NUP153: variants seen among roughly 807,000 people sequenced by gnomAD.
NUP153 encodes nuclear pore complex protein Nup153.
Under a neutral mutation model 134.6 loss-of-function variants are expected in NUP153, and 27 were observed. The observed-to-expected ratio is 0.20, with a 90% CI of 0.15 to 0.28. NUP153 has a LOEUF of 0.28. NUP153 is among the 10% of genes least tolerant of loss of function. The pLI is 1.00. For missense variants in NUP153, 1,821 were observed against 1,731.3 expected, an observed-to-expected ratio of 1.05 and a Z score of -0.92; for synonymous variants, 640 against 623.5, an observed-to-expected ratio of 1.03 and a Z score of -0.40.
At chr6:17,622,246 T>TA (rs1554135793) in intron 20 of NUP153, among the ~76,000 whole-genome samples, 1 of 152,028 alleles carries the variant, frequency 6.6e-6, no homozygotes, top group Non-Finnish European at 1.5e-5. Context: ...GCTCGGGAGT[T>TA]AGAGACCAGC....
At chr6:17,652,332 A>C (rs1224414072) in intron 11 of NUP153, among the ~76,000 whole-genome samples, 1 of 152,176 alleles carries the variant, frequency 6.6e-6, no homozygotes, top group African/African-American at 2.4e-5. Flanking sequence ...TCATAATCTC[A>C]ATCTTTTTCT....
chr6:17,660,454 G>A (rs1381613917), intron 11 of NUP153, among the ~76,000 whole-genome samples: 20 of 151,946 alleles, frequency 1.3e-4, no homozygotes, highest in Admixed American at 1.3e-3. Flanking sequence ...GCAATATATA[G>A]ACAGAAAGGT....
Position 17,637,445 on chromosome 6 carries a change from G to A in NUP153, c.2172C>T (p.Gly724=). ...GFGDKFKPVI[G]TWDCDTCLVQ... ...CTAAACAGGTATCACAATCCCAAGT[G>A]CCTATCACTGGTTTAAATTTGTCTC... The change falls in exon 16 of 22, where the codon GGC becomes GGT. Residue 724 remains glycine, a synonymous_variant. Transcript: ENST00000262077. The A allele has an allele frequency of 6.2e-7, 1 of 1,614,174 alleles. No individual in the cohort carries two copies. Among genetic ancestry groups the A allele is most frequent in the Non-Finnish European group, 8.5e-7 (1 of 1,180,038 alleles).
At chr6:17,630,709 C>T (rs368666025) in intron 17 of NUP153, among the ~76,000 whole-genome samples, 20 of 114,112 alleles carry the variant, frequency 1.8e-4, no homozygotes, top group South Asian at 9.5e-4. Flanking sequence ...AGACGGGAGA[C>T]GAGAGGGGAG....
chr6:17,658,598 G>T (rs1257634430), intron 11 of NUP153, among the ~76,000 whole-genome samples: 1 of 152,298 alleles, frequency 6.6e-6, no homozygotes, highest in East Asian at 1.9e-4. Context: ...AACTACACAA[G>T]AAGTTGCCAA....
intron 17 of NUP153, among the ~76,000 whole-genome samples, chr6:17,630,444 G>A (rs560140881): frequency 6.6e-6 from 1 of 152,106 alleles, no homozygotes; most frequent in Non-Finnish European, 1.5e-5. Context: ...CAGATCACCC[G>A]AGGTCAGGAG....
At chr6:17,622,717 CAAT>C (rs939763462) in intron 20 of NUP153, among the ~76,000 whole-genome samples, 6 of 152,000 alleles carry the variant, frequency 3.9e-5, no homozygotes, top group African/African-American at 1.2e-4. Context: ...GAGAGGAAGT[CAAT>C]AATGTCAGAG....
Position 17,646,153 on chromosome 6 carries a change from A to G in NUP153, c.1634T>C (p.Ile545Thr), listed in dbSNP as rs776659134. ...AACAGGCACACTAAATGTAAATCCA[A>G]TCTGTAAAGAGAAAGAATATCCTTA... ...TEANVLPPSSIGFTFSVPVAK... is the reference protein window; with the variant it reads ...TEANVLPPSSTGFTFSVPVAK... Residue 545 changes from isoleucine to threonine, a missense_variant and splice_region_variant, in exon 14 of 22, where the codon ATT becomes ACT. Coordinates refer to ENST00000262077, the MANE Select transcript of NUP153 (RefSeq NM_005124.4). 13 of 1,538,006 alleles carry G rather than the reference A, an allele frequency of 8.5e-6. No homozygotes were observed. The highest frequency in any genetic ancestry group is 1.2e-5 in the Non-Finnish European group (13 of 1,112,198).
chr6:17,641,117 T>C (rs1052380586), intron 14 of NUP153, among the ~76,000 whole-genome samples: 5 of 152,220 alleles, frequency 3.3e-5, no homozygotes, highest in Admixed American at 6.5e-5. Context: ...TTTATCGTTA[T>C]ATTTTTAAGG....
At chr6:17,697,728 G>C (rs1034675995) in intron 1 of NUP153, among the ~76,000 whole-genome samples, 1 of 151,028 alleles carries the variant, frequency 6.6e-6, no homozygotes, top group African/African-American at 2.4e-5. Context: ...GTGGGGGCAG[G>C]CTACTCTATA....
chr6:17,682,937 A>C (rs1224465303), intron 2 of NUP153, among the ~76,000 whole-genome samples: 4 of 151,072 alleles, frequency 2.6e-5, no homozygotes, highest in Non-Finnish European at 4.4e-5. Flanking sequence ...AAAAAAAAAA[A>C]AAAAACACTT....
intron 17 of NUP153, among the ~76,000 whole-genome samples, chr6:17,631,472 G>A (rs1210891559): frequency 6.6e-6 from 1 of 152,108 alleles, no homozygotes; most frequent in African/African-American, 2.4e-5. Flanking sequence ...TGTACATTGT[G>A]CCCATTAATT....
chr6:17,696,863 A>T (rs916269090), intron 1 of NUP153, among the ~76,000 whole-genome samples: 18 of 152,284 alleles, frequency 1.2e-4, no homozygotes, highest in African/African-American at 4.3e-4. Flanking sequence ...ACTTGAGGTC[A>T]GGAGTTTGAG....
chr6:17,698,632 G>A (rs1426691894), intron 1 of NUP153, among the ~76,000 whole-genome samples: 1 of 151,844 alleles, frequency 6.6e-6, no homozygotes, highest in African/African-American at 2.4e-5. Flanking sequence ...CAGCTACTTG[G>A]GAGGCTGAGG....
In NUP153 at chr6:17,639,963, C is replaced by T; in HGVS notation, c.1822G>A (p.Val608Ile). 6.2e-7 allele frequency: 1 copy of T among 1,610,868 alleles called. No homozygotes were observed. Among genetic ancestry groups the T allele is most frequent in the East Asian group, 2.2e-5 (1 of 44,760 alleles). The change falls in exon 15 of 22, where the codon GTT (valine) becomes ATT (isoleucine). Residue 608 changes from valine to isoleucine, a missense_variant. Val to Ile is a conservative substitution (Grantham distance 29). Coordinates refer to ENST00000262077, the MANE Select transcript of NUP153 (RefSeq NM_005124.4). ...RPAEILKEGS[V>I]LDILKSPGFA... ...CCAGGGCTTTTCAGAATATCTAGAA[C>T]ACTTCCTTCTTTCAGGATTTCTGCA...
At chr6:17,682,353 T>C (rs1203975343) in intron 2 of NUP153, among the ~76,000 whole-genome samples, 1 of 152,122 alleles carries the variant, frequency 6.6e-6, no homozygotes, top group Non-Finnish European at 1.5e-5. Context: ...CTGATCAGGG[T>C]GATGAGTAGT....
At chr6:17,704,064 G>A (rs930912811) in intron 1 of NUP153, among the ~76,000 whole-genome samples, 3 of 152,194 alleles carry the variant, frequency 2.0e-5, no homozygotes, top group African/African-American at 7.2e-5. Flanking sequence ...AGGCCGAAGC[G>A]GGGAGATCAC....
chr6:17,656,982 G>A (rs1766859206), intron 11 of NUP153, among the ~76,000 whole-genome samples: 1 of 152,094 alleles, frequency 6.6e-6, no homozygotes, highest in African/African-American at 2.4e-5. Context: ...AAGTGGAGAG[G>A]GCTTTAGCAA....
chr6:17,635,385 A>C (rs1305358226), intron 16 of NUP153, among the ~76,000 whole-genome samples: 1 of 152,044 alleles, frequency 6.6e-6, no homozygotes, highest in African/African-American at 2.4e-5. Context: ...CTGGGATTAC[A>C]GGTGTAAGCC....
Sources: gnomAD v4.1 joint callset for allele counts (sites outside exome capture counted in the v4.1 genomes callset) on GRCh38, gnomAD v4.1.1 for gene constraint, MANE v1.5 for transcripts, NCBI Gene and HGNC (gene_info 2026-07-23, HGNC 2026-07-21) for gene names.